The following AQP11 variants were observed in gnomAD, a reference collection of about 807,000 sequenced individuals.
AQP11 encodes aquaporin-11.
Under a neutral mutation model 21.1 loss-of-function variants are expected in AQP11, and 20 were observed. The ratio of observed to expected loss-of-function variants is 0.95; its 90% confidence interval spans 0.67 to 1.38. The LOEUF (loss-of-function observed/expected upper bound fraction) is 1.38, where lower values mean the gene tolerates loss of function less well. AQP11 is among the 40% of genes most tolerant of loss of function. The pLI, the probability that AQP11 is intolerant of heterozygous loss-of-function variation, is 0.00. For missense variants in AQP11, 339 were observed against 340.4 expected, an observed-to-expected ratio of 1.00 and a Z score of 0.03; for synonymous variants, 167 against 150.1, an observed-to-expected ratio of 1.11 and a Z score of -0.82.
intron 1 of AQP11, among the ~76,000 whole-genome samples, chr11:77,598,031 G>C (rs1400469609): frequency 6.6e-6 from 1 of 152,158 alleles, no homozygotes; most frequent in Non-Finnish European, 1.5e-5. Context: ...GAGCCACCAC[G>C]TCTGGCCTAG....
At position 77,599,670 on chromosome 11, in the gene AQP11, C is replaced by T. The variant is rs144491347; in HGVS notation, c.620-3886C>T. On this transcript the variant is annotated intron_variant, in intron 1 of 2. Coordinates refer to ENST00000313578, the MANE Select transcript of AQP11 (RefSeq NM_173039.3). The stretch of plus-strand genomic sequence containing the variant: ...AGCGCAGTGGTGCAATCAAAACCTC[C>T]GCCTCCCCGGCTCACAAGATCCTCC... Among the ~76,000 whole-genome samples, 761 of 151,934 alleles carry T rather than the reference C, an allele frequency of 5.0e-3. 8 individuals are homozygous for T. Among genetic ancestry groups the T allele is most frequent in the African/African-American group, 9.1e-3 (378 of 41,422 alleles).
intron 1 of AQP11, among the ~76,000 whole-genome samples, chr11:77,600,360 C>T (rs1371184523): frequency 6.6e-6 from 1 of 152,108 alleles, no homozygotes; most frequent in East Asian, 1.9e-4. Context: ...GGCTTTATTC[C>T]TGATAGCCAA....
chr11:77,607,033 T>A (rs4944169), intron 2 of AQP11, among the ~76,000 whole-genome samples: 26,177 of 152,186 alleles, frequency 0.17, 2,815 homozygotes, highest in African/African-American at 0.28. Flanking sequence ...GTAGTTTTGG[T>A]TTGAAGAGGC....
intron 1 of AQP11, among the ~76,000 whole-genome samples, chr11:77,599,710 G>A (rs1188086738): frequency 1.3e-5 from 2 of 151,550 alleles, no homozygotes; most frequent in African/African-American, 2.4e-5. Flanking sequence ...TCAGCCTCCC[G>A]AGTAGCTGGG....
At chr11:77,593,591 C>A (rs1350724745) in intron 1 of AQP11, among the ~76,000 whole-genome samples, 1 of 151,740 alleles carries the variant, frequency 6.6e-6, no homozygotes, top group Non-Finnish European at 1.5e-5. Flanking sequence ...GAGCCGAGAT[C>A]GAGTCATTGC....
Position 77,598,368 on chromosome 11 carries a change from CCT to C in AQP11, c.620-5185_620-5184del, listed in dbSNP as rs1468449469. On this transcript the variant is annotated intron_variant, in intron 1 of 2. Coordinates refer to ENST00000313578, the MANE Select transcript of AQP11 (RefSeq NM_173039.3). ...GGTAATTTCACCAAATCCATGCTGT[CCT>C]CTGACTCTTGGCAGTGGACTAGCTG... Among the ~76,000 whole-genome samples the C allele has an allele frequency of 1.2e-3, 177 of 152,294 alleles. 2 individuals carry two copies. Among genetic ancestry groups the C allele is most frequent in the Non-Finnish European group, 1.8e-4 (12 of 68,020 alleles).
chr11:77,594,862 G>A (rs572534210), intron 1 of AQP11, among the ~76,000 whole-genome samples: 12 of 151,396 alleles, frequency 7.9e-5, no homozygotes, highest in African/African-American at 2.4e-4. Context: ...GCCATTTATC[G>A]TGTATTAACT....
intron 1 of AQP11, among the ~76,000 whole-genome samples, chr11:77,599,757 G>C (rs1157399556): frequency 1.3e-5 from 2 of 149,694 alleles, no homozygotes; most frequent in South Asian, 2.1e-4. Flanking sequence ...GGCAATTTTT[G>C]TATTTTTTGT....
intron 2 of AQP11, among the ~76,000 whole-genome samples, chr11:77,606,108 G>A (rs1958844808): frequency 6.7e-6 from 1 of 149,342 alleles, no homozygotes; most frequent in Non-Finnish European, 1.5e-5. Context: ...GGGAGGCTGA[G>A]ATAGAACTGC....
intron 1 of AQP11, among the ~76,000 whole-genome samples, chr11:77,601,376 T>A (rs1050109173): frequency 1.4e-5 from 2 of 144,978 alleles, no homozygotes; most frequent in South Asian, 4.4e-4. Flanking sequence ...TGAGACAGGA[T>A]CTCACTCTGT....
intron 1 of AQP11, among the ~76,000 whole-genome samples, chr11:77,600,093 G>A (rs1958806845): frequency 6.6e-6 from 1 of 151,384 alleles, no homozygotes; most frequent in Non-Finnish European, 1.5e-5. Flanking sequence ...CCGAGTAGCT[G>A]GGACTACAGG....
chr11:77,608,951 C>T (rs1458708769), intron 2 of AQP11, among the ~76,000 whole-genome samples: 1 of 152,144 alleles, frequency 6.6e-6, no homozygotes, highest in Non-Finnish European at 1.5e-5. Flanking sequence ...AGACCCAAGT[C>T]TAGAACTAAA....
chr11:77,595,310 C>T (rs1958771940), intron 1 of AQP11, among the ~76,000 whole-genome samples: 1 of 151,906 alleles, frequency 6.6e-6, no homozygotes, highest in Admixed American at 6.6e-5. Flanking sequence ...CATTGCACTC[C>T]AGCCTGGGCA....
chr11:77,591,045 A>T, intron 1 of AQP11: 2 of 985,332 alleles, frequency 2.0e-6, no homozygotes, highest in East Asian at 1.1e-4. Context: ...ATTGGTTAGT[A>T]TAAGAGCGGA....
At chr11:77,592,569 TTC>T (rs201832436) in intron 1 of AQP11, among the ~76,000 whole-genome samples, 2,015 of 152,332 alleles carry the variant, frequency 0.013, 17 homozygotes, top group Non-Finnish European at 0.019. Context: ...TTGATATTCT[TTC>T]TGTCTACTTT....
At chr11:77,596,537 A>AAAATATATATATAT (rs1958782955) in intron 1 of AQP11, among the ~76,000 whole-genome samples, 2 of 86,576 alleles carry the variant, frequency 2.3e-5, no homozygotes, top group African/African-American at 4.5e-5. Context: ...TATATATGTA[A>AAAATATATATATAT]ATATATATAT....
chr11:77,605,241 G>A (rs780287627), intron 2 of AQP11, among the ~76,000 whole-genome samples: 2 of 152,176 alleles, frequency 1.3e-5, no homozygotes, highest in African/African-American at 2.4e-5. Context: ...CTAATGTAAA[G>A]AAGTTAAGAA....
chr11:77,600,814 C>T (rs1329727723), intron 1 of AQP11, among the ~76,000 whole-genome samples: 1 of 152,088 alleles, frequency 6.6e-6, no homozygotes, highest in Non-Finnish European at 1.5e-5. Flanking sequence ...AGATCGAGAC[C>T]ATCCCGGCTA....
intron 1 of AQP11, among the ~76,000 whole-genome samples, chr11:77,599,667 C>T (rs1222043839): frequency 6.6e-6 from 1 of 151,732 alleles, no homozygotes; most frequent in African/African-American, 2.4e-5. Context: ...CAATCAAAAC[C>T]TCCGCCTCCC....
Sources: gnomAD v4.1 joint callset for allele counts (sites outside exome capture counted in the v4.1 genomes callset) on GRCh38, gnomAD v4.1.1 for gene constraint, MANE v1.5 for transcripts, NCBI Gene and HGNC (gene_info 2026-07-23, HGNC 2026-07-21) for gene names.